Variants in SNX29 observed in about 807,000 individuals in gnomAD.
SNX29 encodes the protein sorting nexin 29.
Under a neutral mutation model 102.1 loss-of-function variants are expected in SNX29, and 78 were observed. The observed-to-expected ratio is 0.76, with a 90% CI of 0.64 to 0.92. The LOEUF is 0.92. Ranked by LOEUF, SNX29 falls within the 40% of genes least tolerant of loss-of-function variation. The probability of loss-of-function intolerance (pLI) is 0.00; values close to 1 mark genes in which losing one functional copy is unlikely to be tolerated. For missense variants in SNX29, 1,280 were observed against 1,061.7 expected, an observed-to-expected ratio of 1.21 and a Z score of -2.86; for synonymous variants, 580 against 414.5, an observed-to-expected ratio of 1.40 and a Z score of -4.85.
intron 19 of SNX29, among the ~76,000 whole-genome samples, chr16:12,512,544 T>G (rs930584093): frequency 3.3e-5 from 5 of 151,186 alleles, no homozygotes; most frequent in African/African-American, 9.7e-5. Context: ...TGGGGTTGTT[T>G]TGGAGTTTGC....
At chr16:12,462,569 G>C (rs2086853671) in intron 18 of SNX29, among the ~76,000 whole-genome samples, 1 of 150,124 alleles carries the variant, frequency 6.7e-6, no homozygotes, top group South Asian at 2.1e-4. Flanking sequence ...TTGTATCCCA[G>C]TCTTATTTCT....
intron 19 of SNX29, among the ~76,000 whole-genome samples, chr16:12,510,057 A>G (rs1183971353): frequency 1.3e-5 from 2 of 152,210 alleles, no homozygotes; most frequent in Non-Finnish European, 2.9e-5. Context: ...AGCTCCAGCC[A>G]TGTGACAGTG....
intron 18 of SNX29, among the ~76,000 whole-genome samples, chr16:12,455,900 C>T (rs2086517244): frequency 6.6e-6 from 1 of 152,128 alleles, no homozygotes; most frequent in Non-Finnish European, 1.5e-5. Context: ...TCTACCTACC[C>T]ACCCATCTAG....
intron 16 of SNX29, among the ~76,000 whole-genome samples, chr16:12,386,206 C>G (rs2083335370): frequency 6.6e-6 from 1 of 152,214 alleles, no homozygotes; most frequent in Admixed American, 6.5e-5. Flanking sequence ...CTCATCAACC[C>G]TTAAGCCAGT....
In SNX29 at chr16:12,299,776, C is replaced by T. The variant is rs945782082; in HGVS notation, c.1782+21740C>T. Among the ~76,000 whole-genome samples, 321 of 128,380 alleles carry T rather than the reference C, an allele frequency of 2.5e-3. 1 individual carries two copies. Among genetic ancestry groups the T allele is most frequent in the Non-Finnish European group, 3.3e-3 (219 of 65,610 alleles). The allele number at this position is 128,380 out of a possible 152,430, so 84.2% of individuals were successfully genotyped here. On this transcript the variant is annotated intron_variant, in intron 15 of 20. Transcript: ENST00000566228. ...CCATAGATACTTCTAATTCAAATTT[C>T]GAATTTTTTTTTTTTTTTTTTTACT...
chr16:12,563,896 C>T (rs145452581), intron 20 of SNX29, among the ~76,000 whole-genome samples: 1 of 152,228 alleles, frequency 6.6e-6, no homozygotes, highest in African/African-American at 2.4e-5. Context: ...CCTCTGCCGT[C>T]TCTGGAGCAG....
At chr16:12,129,260 T>C (rs2141408717) in intron 12 of SNX29, among the ~76,000 whole-genome samples, 1 of 152,320 alleles carries the variant, frequency 6.6e-6, no homozygotes, top group African/African-American at 2.4e-5. Flanking sequence ...TCTGACCTGG[T>C]GTAGCTGTGA....
chr16:12,454,297 G>A (rs779756089), intron 18 of SNX29, among the ~76,000 whole-genome samples: 1 of 152,204 alleles, frequency 6.6e-6, no homozygotes, highest in Non-Finnish European at 1.5e-5. Context: ...AGTCCCTGAT[G>A]ACTAAGGAGA....
intron 4 of SNX29, among the ~76,000 whole-genome samples, chr16:12,031,232 T>A (rs2057333495): frequency 6.6e-6 from 1 of 151,940 alleles, no homozygotes; most frequent in South Asian, 2.1e-4. Context: ...ACCACCACGC[T>A]GCCTAATTTT....
chr16:12,552,280 C>G (rs551400500), intron 20 of SNX29, among the ~76,000 whole-genome samples: 32 of 152,296 alleles, frequency 2.1e-4, no homozygotes, highest in Non-Finnish European at 4.1e-4. Flanking sequence ...GGCCAGTTAA[C>G]TTCTGTGCCT....
chr16:12,002,033 G>C (rs1036675278), intron 2 of SNX29, among the ~76,000 whole-genome samples: 2 of 141,826 alleles, frequency 1.4e-5, no homozygotes, highest in Non-Finnish European at 3.1e-5. Flanking sequence ...TTTTTTTAAA[G>C]AAAATTAGAA....
chr16:12,172,931 G>T (rs151037162), intron 13 of SNX29, among the ~76,000 whole-genome samples: 1 of 152,364 alleles, frequency 6.6e-6, no homozygotes, highest in Non-Finnish European at 1.5e-5. Flanking sequence ...TGTGAAAGCA[G>T]TGTTGAAGTC....
chr16:12,145,384 T>TA (rs1194930755), intron 13 of SNX29, among the ~76,000 whole-genome samples: 2 of 152,202 alleles, frequency 1.3e-5, no homozygotes, highest in Non-Finnish European at 2.9e-5. Flanking sequence ...CTGTTTATTT[T>TA]ATTCTGTTGC....
chr16:12,568,664 G>A lies in SNX29; in HGVS notation c.*35G>A, dbSNP rs759757347. ...AACCGCAGCCACGGGCCCTGTGCGT[G>A]GCACCAGCTGCGTCCACCCCAGCCA... On this transcript the variant is annotated 3_prime_UTR_variant, in exon 21 of 21. Coordinates refer to ENST00000566228, the MANE Select transcript of SNX29 (RefSeq NM_032167.5). 3 of 1,593,656 alleles carry A rather than the reference G, an allele frequency of 1.9e-6. No homozygotes were observed. Among genetic ancestry groups the A allele is most frequent in the East Asian group, 2.2e-5 (1 of 44,602 alleles).
intron 14 of SNX29, among the ~76,000 whole-genome samples, chr16:12,256,714 C>T (rs998553598): frequency 6.6e-6 from 1 of 152,170 alleles, no homozygotes; most frequent in Non-Finnish European, 1.5e-5. Flanking sequence ...AGGCTACTAT[C>T]TGACTTAAAA....
At chr16:12,009,477 G>GTA (rs1446528774) in intron 3 of SNX29, among the ~76,000 whole-genome samples, 1 of 139,836 alleles carries the variant, frequency 7.2e-6, no homozygotes, top group African/African-American at 2.5e-5. Flanking sequence ...GTGTGTGTGT[G>GTA]TGTATATATA....
intron 13 of SNX29, among the ~76,000 whole-genome samples, chr16:12,182,396 C>G (rs568850214): frequency 8.5e-4 from 129 of 152,170 alleles, no homozygotes; most frequent in African/African-American, 3.0e-3. Flanking sequence ...TGGTAATAGG[C>G]CAATTGATTA....
At chr16:12,543,305 A>G (rs28501600) in intron 20 of SNX29, among the ~76,000 whole-genome samples, 4,129 of 152,234 alleles carry the variant, frequency 0.027, 199 homozygotes, top group African/African-American at 0.093. Flanking sequence ...GGCCCGGGGA[A>G]TGGAGCACCT....
intron 4 of SNX29, among the ~76,000 whole-genome samples, chr16:12,034,099 G>A (rs1042978593): frequency 6.6e-6 from 1 of 152,200 alleles, no homozygotes; most frequent in Non-Finnish European, 1.5e-5. Flanking sequence ...TAAAATGAGA[G>A]AGACCGACTT....
Sources: allele counts gnomAD v4.1 joint callset (sites outside exome capture counted in the v4.1 genomes callset), GRCh38; gene constraint gnomAD v4.1.1; transcripts MANE v1.5; gene names NCBI Gene and HGNC (gene_info 2026-07-23, HGNC 2026-07-21).